The following CADM1 variants were observed in gnomAD, a reference collection of about 807,000 sequenced individuals.
The protein encoded by CADM1 is TSLC-1.
In CADM1, 15 loss-of-function variants were observed where a neutral mutation model predicts 53.1. The observed-to-expected ratio is 0.28, with a 90% CI of 0.19 to 0.44. The LOEUF is 0.44. CADM1 is among the 20% of genes least tolerant of loss of function. The pLI is 1.00. For synonymous variants in CADM1, 281 were observed against 243.0 expected, an observed-to-expected ratio of 1.16 and a Z score of -1.45; for missense variants, 434 against 611.3, an observed-to-expected ratio of 0.71 and a Z score of 3.06.
chr11:115,383,500 C>G (rs1185246458), intron 1 of CADM1, among the ~76,000 whole-genome samples: 1 of 152,206 alleles, frequency 6.6e-6, no homozygotes, highest in Non-Finnish European at 1.5e-5. Flanking sequence ...ACAAAAATCA[C>G]TGTCATACTG....
Position 115,293,389 on chromosome 11 carries a change from C to T in CADM1, c.125-52969G>A, listed in dbSNP as rs1307754801. The stretch of plus-strand genomic sequence containing the variant: ...CGGAGCTTGCAGTGAGCGGAGATGG[C>T]GCCACTGCACCCCAGCCTGGGCGAC... On this transcript the variant is annotated intron_variant, in intron 1 of 11. Coordinates refer to ENST00000331581, the MANE Select transcript of CADM1 (RefSeq NM_001301043.2). 6.6e-5 allele frequency among the ~76,000 whole-genome samples: 10 copies of T among 152,076 alleles called. No homozygotes were observed. In the South Asian group the frequency reaches 1.5e-3, roughly 22 times the overall value.
rs1949701892 is a variant in CADM1, at chr11:115,500,257, T to C, written c.124+4014A>G. Among the ~76,000 whole-genome samples the C allele has an allele frequency of 2.0e-5, 3 of 152,164 alleles. No individual in the cohort carries two copies. In the South Asian group the frequency reaches 6.2e-4, roughly 32 times the overall value. On this transcript the variant is annotated intron_variant, in intron 1 of 11. Transcript: ENST00000331581. ...TATAGCATTGATTAGTTTGGCCCAA[T>C]TTAAGAGAATCCCCACATTAAAATG...
intron 1 of CADM1, among the ~76,000 whole-genome samples, chr11:115,440,937 C>A (rs1044326757): frequency 5.3e-5 from 8 of 152,004 alleles, no homozygotes; most frequent in African/African-American, 1.2e-4. Flanking sequence ...CATCACCACA[C>A]CTAACTAATT....
At chr11:115,291,771 G>T (rs535697927) in intron 1 of CADM1, among the ~76,000 whole-genome samples, 1 of 151,992 alleles carries the variant, frequency 6.6e-6, no homozygotes, top group East Asian at 1.9e-4. Context: ...ATCAAAACAG[G>T]GTTTAGTATA....
chr11:115,213,850 G>T (rs1241004852), intron 7 of CADM1, among the ~76,000 whole-genome samples: 3 of 152,144 alleles, frequency 2.0e-5, no homozygotes. Flanking sequence ...CAATTGAACA[G>T]AAGAGACTTA....
At chr11:115,222,767 G>T (rs575602461) in intron 5 of CADM1, among the ~76,000 whole-genome samples, 3 of 152,200 alleles carry the variant, frequency 2.0e-5, no homozygotes, top group Admixed American at 6.5e-5. Flanking sequence ...TTACAAAAAA[G>T]AATCAAATTT....
intron 1 of CADM1, among the ~76,000 whole-genome samples, chr11:115,342,267 A>G (rs745718088): frequency 2.0e-5 from 3 of 152,196 alleles, no homozygotes; most frequent in Non-Finnish European, 4.4e-5. Flanking sequence ...AATCATGGAG[A>G]ACCTAGAAAC....
intron 1 of CADM1, chr11:115,256,735 G>A (rs1272152343): frequency 2.2e-6 from 1 of 449,582 alleles, no homozygotes; most frequent in African/African-American, 2.0e-5. Context: ...AGTTCCTATT[G>A]TTTGTGTTCC....
At chr11:115,328,716 GTATATATATGTATATACA>G (rs1945044022) in intron 1 of CADM1, among the ~76,000 whole-genome samples, 1 of 58,382 alleles carries the variant, frequency 1.7e-5, no homozygotes, top group African/African-American at 7.6e-5. Context: ...ATATATATGT[GTATATATATGTATATACA>G]TATATATATA....
chr11:115,218,264 G>GT (rs1357006572), intron 5 of CADM1: 7 of 428,748 alleles, frequency 1.6e-5, no homozygotes, highest in Admixed American at 3.4e-5. Context: ...TTACACTGAA[G>GT]TTTATCTCCA....
chr11:115,431,632 C>T (rs1342739134), intron 1 of CADM1, among the ~76,000 whole-genome samples: 1 of 152,130 alleles, frequency 6.6e-6, no homozygotes, highest in Non-Finnish European at 1.5e-5. Context: ...CTCTTCTCTC[C>T]TCTCTGCCCA....
chr11:115,284,470 C>T (rs773805498), intron 1 of CADM1, among the ~76,000 whole-genome samples: 4 of 150,842 alleles, frequency 2.7e-5, no homozygotes, highest in African/African-American at 9.8e-5. Context: ...CTCTACTTTA[C>T]CAATTATTTA....
intron 7 of CADM1, among the ~76,000 whole-genome samples, chr11:115,214,336 C>A (rs1941085747): frequency 6.6e-6 from 1 of 152,200 alleles, no homozygotes; most frequent in Non-Finnish European, 1.5e-5. Context: ...CTAACGTAAT[C>A]TCCATGGCTT....
chr11:115,231,535 T>C, intron 3 of CADM1, 45 bp from the exon 4 acceptor site: 1 of 1,588,242 alleles, frequency 6.3e-7, no homozygotes, highest in Non-Finnish European at 8.6e-7. Flanking sequence ...AATGCATTTT[T>C]GCATTGTTGC....
intron 1 of CADM1, among the ~76,000 whole-genome samples, chr11:115,383,206 G>A (rs903646711): frequency 2.0e-5 from 3 of 152,198 alleles, no homozygotes; most frequent in Non-Finnish European, 4.4e-5. Context: ...AAATAAACAG[G>A]TAGATAGCTA....
chr11:115,231,450 A>G lies in CADM1; in HGVS notation c.465T>C (p.Thr155=). ...RNLMIDIQKD[T]AVEGEEIEVN... ...CTTCAATCTCCTCACCTTCCACCGC[A>G]GTGTCTTTCTGGATATCGATCATCA... Residue 155 remains threonine, a synonymous_variant, in exon 4 of 12, where the codon ACT becomes ACC. Coordinates refer to ENST00000331581, the MANE Select transcript of CADM1 (RefSeq NM_001301043.2). 1 of 1,613,992 alleles carries G rather than the reference A, an allele frequency of 6.2e-7. No individual in the cohort carries two copies. The highest frequency in any genetic ancestry group is 1.1e-5 in the South Asian group (1 of 91,068).
chr11:115,209,336 A>T (rs1027738854), intron 8 of CADM1, among the ~76,000 whole-genome samples: 7 of 152,200 alleles, frequency 4.6e-5, no homozygotes, highest in Non-Finnish European at 8.8e-5. Context: ...AGTGATGCTT[A>T]AAAAAGAATT....
chr11:115,470,165 C>T (rs982532167), intron 1 of CADM1, among the ~76,000 whole-genome samples: 1 of 152,178 alleles, frequency 6.6e-6, no homozygotes, highest in Admixed American at 6.5e-5. Flanking sequence ...TACAACATGC[C>T]AGACAAACGT....
At chr11:115,494,163 A>G (rs61905850) in intron 1 of CADM1, among the ~76,000 whole-genome samples, 60 of 152,224 alleles carry the variant, frequency 3.9e-4, no homozygotes, top group Admixed American at 9.2e-4. Flanking sequence ...AAATGGGGAA[A>G]ATGTTAACAG....
Sources: gnomAD v4.1 joint callset for allele counts (sites outside exome capture counted in the v4.1 genomes callset) on GRCh38, gnomAD v4.1.1 for gene constraint, MANE v1.5 for transcripts, NCBI Gene and HGNC (gene_info 2026-07-23, HGNC 2026-07-21) for gene names.